The following GRIA1 variants were observed in gnomAD, a reference collection of about 807,000 sequenced individuals.
GRIA1 encodes glutamate receptor 1.
In GRIA1, 31 loss-of-function variants were observed where a neutral mutation model predicts 99.2. That is an observed-to-expected ratio of 0.31 (90% confidence interval 0.23 to 0.42). The LOEUF (loss-of-function observed/expected upper bound fraction) is 0.42, where lower values mean the gene tolerates loss of function less well. Among genes scored for constraint, GRIA1 ranks in the 10% least tolerant of loss-of-function variants. GRIA1 has a pLI of 1.00. For synonymous variants in GRIA1, 438 were observed against 432.4 expected (o/e 1.01, Z -0.16); for missense variants, 782 against 1,157.5 (o/e 0.68, Z 4.71).
chr5:153,579,237 C>T (rs79133370), intron 2 of GRIA1, among the ~76,000 whole-genome samples: 2,184 of 152,238 alleles, frequency 0.014, 48 homozygotes, highest in African/African-American at 0.05. Context: ...CCATAAAATG[C>T]TTTGAAAACC....
chr5:153,527,798 G>C (rs530725241), intron 2 of GRIA1, among the ~76,000 whole-genome samples: 3 of 152,292 alleles, frequency 2.0e-5, no homozygotes, highest in African/African-American at 7.2e-5. Flanking sequence ...ATGTCTTTTT[G>C]TATATCTTCG....
At chr5:153,738,299 G>A (rs1245388513) in intron 11 of GRIA1, among the ~76,000 whole-genome samples, 1 of 152,116 alleles carries the variant, frequency 6.6e-6, no homozygotes, top group African/African-American at 2.4e-5. Flanking sequence ...ACTCTCTTCT[G>A]AGACACCCCA....
At chr5:153,764,716 A>T in intron 12 of GRIA1, 84 bp downstream of exon 12, 1 of 978,368 alleles carries the variant, frequency 1.0e-6, no homozygotes, top group Non-Finnish European at 1.6e-6. Flanking sequence ...ATATAGCCTG[A>T]GATAACAGGC....
intron 13 of GRIA1, among the ~76,000 whole-genome samples, chr5:153,781,919 G>A (rs567582933): frequency 3.9e-5 from 6 of 152,112 alleles, no homozygotes; most frequent in Admixed American, 1.3e-4. Context: ...AGCAGGGACC[G>A]CAACCTCAAA....
intron 7 of GRIA1, among the ~76,000 whole-genome samples, chr5:153,678,797 C>G (rs918370446): frequency 3.9e-5 from 6 of 152,198 alleles, no homozygotes; most frequent in Non-Finnish European, 7.3e-5. Flanking sequence ...GCAGGAAGGA[C>G]TCTGTACTGG....
intron 2 of GRIA1, among the ~76,000 whole-genome samples, chr5:153,577,782 G>C (rs1042072818): frequency 1.3e-5 from 2 of 152,136 alleles, no homozygotes; most frequent in Non-Finnish European, 2.9e-5. Context: ...CAAGACACCT[G>C]ACTTCATGGA....
At chr5:153,712,263 G>A (rs1252284952) in intron 11 of GRIA1, among the ~76,000 whole-genome samples, 2 of 152,094 alleles carry the variant, frequency 1.3e-5, no homozygotes, top group Non-Finnish European at 2.9e-5. Flanking sequence ...TGTTGGCCAG[G>A]CTGGTCTTGA....
chr5:153,801,191 G>T (rs1383708974), intron 14 of GRIA1, among the ~76,000 whole-genome samples: 1 of 152,072 alleles, frequency 6.6e-6, no homozygotes, highest in African/African-American at 2.4e-5. Flanking sequence ...GTGTTTGATT[G>T]TTCTCACCAC....
chr5:153,530,078 G>T (rs1243551415), intron 2 of GRIA1, among the ~76,000 whole-genome samples: 2 of 152,166 alleles, frequency 1.3e-5, no homozygotes, highest in African/African-American at 4.8e-5. Flanking sequence ...GTGAGCACTT[G>T]TGCTGTGCCC....
At chr5:153,612,870 C>A (rs1766119828) in intron 2 of GRIA1, among the ~76,000 whole-genome samples, 1 of 151,988 alleles carries the variant, frequency 6.6e-6, no homozygotes, top group Non-Finnish European at 1.5e-5. Flanking sequence ...AGAGTTGGAC[C>A]AGTGTGTGCT....
intron 2 of GRIA1, among the ~76,000 whole-genome samples, chr5:153,623,654 A>G (rs1433295359): frequency 6.6e-6 from 1 of 152,224 alleles, no homozygotes; most frequent in East Asian, 1.9e-4. Context: ...CGTTAATATG[A>G]CAGAATATTT....
intron 14 of GRIA1, 129 bp from the exon 15 acceptor site, chr5:153,802,227 A>C: frequency 3.4e-5 from 23 of 679,132 alleles, no homozygotes; most frequent in Non-Finnish European, 5.1e-5. Context: ...CTATCCAGCT[A>C]TTGCAAATGT....
At chr5:153,509,761 G>A (rs975755254) in intron 2 of GRIA1, among the ~76,000 whole-genome samples, 8 of 152,180 alleles carry the variant, frequency 5.3e-5, no homozygotes, top group African/African-American at 1.7e-4. Context: ...TGTGCAGATT[G>A]AAGGAGATCA....
intron 13 of GRIA1, among the ~76,000 whole-genome samples, chr5:153,774,877 T>C (rs1427751667): frequency 6.6e-6 from 1 of 152,238 alleles, no homozygotes; most frequent in African/African-American, 2.4e-5. Flanking sequence ...TTTGTTTGTT[T>C]CTTCTGCTCT....
intron 11 of GRIA1, among the ~76,000 whole-genome samples, chr5:153,762,796 C>G (rs951587522): frequency 6.6e-6 from 1 of 152,166 alleles, no homozygotes; most frequent in African/African-American, 2.4e-5. Context: ...CACTCTCACT[C>G]TCAGGATAGC....
intron 11 of GRIA1, among the ~76,000 whole-genome samples, chr5:153,742,387 T>C (rs11954428): frequency 2.6e-5 from 4 of 152,006 alleles, no homozygotes; most frequent in African/African-American, 9.7e-5. Flanking sequence ...CTTATTCTTA[T>C]TCATTTTCCA....
intron 11 of GRIA1, among the ~76,000 whole-genome samples, chr5:153,720,836 A>T (rs186581813): frequency 3.3e-5 from 5 of 152,304 alleles, no homozygotes; most frequent in Admixed American, 3.3e-4. Context: ...TCTCCTTAGT[A>T]CCATAAAGAA....
At chr5:153,781,206 G>A (rs1426171826) in intron 13 of GRIA1, among the ~76,000 whole-genome samples, 1 of 152,044 alleles carries the variant, frequency 6.6e-6, no homozygotes, top group Admixed American at 6.5e-5. Context: ...CAGTAAACCA[G>A]CAGAGTCCCC....
At chr5:153,564,287 G>A (rs1040015106) in intron 2 of GRIA1, among the ~76,000 whole-genome samples, 1 of 152,120 alleles carries the variant, frequency 6.6e-6, no homozygotes, top group Non-Finnish European at 1.5e-5. Context: ...CTTCCCAGAG[G>A]GAAGACTTCA....
Sources: allele counts gnomAD v4.1 joint callset (sites outside exome capture counted in the v4.1 genomes callset), GRCh38; gene constraint gnomAD v4.1.1; transcripts MANE v1.5; gene names NCBI Gene and HGNC (gene_info 2026-07-23, HGNC 2026-07-21).